Variants in DNAH11 observed in about 807,000 individuals in gnomAD.
DNAH11 encodes dynein axonemal heavy chain 11.
In DNAH11, 442 loss-of-function variants were observed where a neutral mutation model predicts 526.0. The observed-to-expected ratio is 0.84, with a 90% CI of 0.78 to 0.91. DNAH11 has a LOEUF of 0.91. Ranked by LOEUF, DNAH11 falls within the 40% of genes least tolerant of loss-of-function variation. The probability of loss-of-function intolerance (pLI) is 0.00; values close to 1 mark genes in which losing one functional copy is unlikely to be tolerated. For synonymous variants in DNAH11, 2,461 were observed against 1,935.9 expected, an observed-to-expected ratio of 1.27 and a Z score of -7.12; for missense variants, 6,989 against 5,448.7, an observed-to-expected ratio of 1.28 and a Z score of -8.90.
chr7:21,552,850 C>G (rs1355860812), intron 2 of DNAH11, among the ~76,000 whole-genome samples: 1 of 152,098 alleles, frequency 6.6e-6, no homozygotes, highest in African/African-American at 2.4e-5. Flanking sequence ...CATAGGGTAT[C>G]TTACTGAGGA....
At chr7:21,827,056 A>G (rs546799922) in intron 65 of DNAH11, among the ~76,000 whole-genome samples, 61 of 152,326 alleles carry the variant, frequency 4.0e-4, no homozygotes, top group Admixed American at 1.7e-3. Context: ...CTGTGGACCA[A>G]TACATCAGCC....
intron 57 of DNAH11, among the ~76,000 whole-genome samples, chr7:21,779,521 A>G (rs980222518): frequency 1.3e-5 from 2 of 152,180 alleles, no homozygotes; most frequent in South Asian, 2.1e-4. Context: ...TTGCATTTTA[A>G]TAATACAACT....
rs1786842841 is a variant in DNAH11, at chr7:21,635,933, C to G, written c.4563C>G (p.Ser1521Arg). ...YVEYFIEQVL[S>R]WQNKLNIADL... Reference sequence around the variant, plus strand: ...AATATTTCATTGAGCAAGTGTTAAGCTGGCAAAATAAATTAAACATAGCAG... The same window carrying G: ...AATATTTCATTGAGCAAGTGTTAAGGTGGCAAAATAAATTAAACATAGCAG... Residue 1521 changes from serine (S) to arginine (R), a missense_variant, in exon 26 of 82, where the codon AGC becomes AGG. By Grantham distance (110) the Ser-to-Arg change is moderately radical (BLOSUM62 -1). Transcript: ENST00000409508. The G allele has an allele frequency of 1.9e-6, 3 of 1,613,324 alleles. No individual in the cohort carries two copies. The highest frequency in any genetic ancestry group is 2.5e-6 in the Non-Finnish European group (3 of 1,179,582).
At chr7:21,744,673 G>A (rs1786064460) in intron 50 of DNAH11, 74 bp downstream of exon 50, 1 of 1,570,006 alleles carries the variant, frequency 6.4e-7, no homozygotes, top group Non-Finnish European at 8.6e-7. Flanking sequence ...TTAGATGAGG[G>A]TATGAGAGAA....
chr7:21,579,991 C>G (rs1423842455), intron 8 of DNAH11, among the ~76,000 whole-genome samples: 2 of 152,226 alleles, frequency 1.3e-5, no homozygotes, highest in East Asian at 3.9e-4. Context: ...GCCCAAGTTT[C>G]TATTAGGGTG....
chr7:21,556,160 T>C lies in DNAH11; in HGVS notation c.496-2642T>C, dbSNP rs112197670. ...AAGGTTATACCCTGGTCCCTTTCTC[T>C]GCTTAAGTTTCGATTTTCCAACAGT... is the stretch of plus-strand genomic sequence containing the variant. On this transcript the variant is annotated intron_variant, in intron 2 of 81. Transcript: ENST00000409508. 3.2e-3 allele frequency among the ~76,000 whole-genome samples: 489 copies of C among 152,306 alleles called. 4 individuals carry two copies. Among genetic ancestry groups the C allele is most frequent in the African/African-American group, 0.011 (470 of 41,570 alleles).
chr7:21,668,570 T>A (rs953687737), intron 30 of DNAH11, among the ~76,000 whole-genome samples: 9 of 152,206 alleles, frequency 5.9e-5, no homozygotes, highest in African/African-American at 1.7e-4. Context: ...CCAGCATCCA[T>A]GACTTGTTAG....
At chr7:21,740,255 C>T (rs1785819826) in intron 48 of DNAH11, among the ~76,000 whole-genome samples, 1 of 152,076 alleles carries the variant, frequency 6.6e-6, no homozygotes. Context: ...ACCACATTAA[C>T]CATTTCAAGT....
At position 21,678,243 on chromosome 7, in the gene DNAH11, T is replaced by G. The variant is rs115056961; in HGVS notation, c.5329-3303T>G. On this transcript the variant is annotated intron_variant, in intron 30 of 81. Coordinates refer to ENST00000409508, the MANE Select transcript of DNAH11 (RefSeq NM_001277115.2). ...GTCTTTGATTCATTTTGAGTTTTTT[T>G]TGTGTGTGTATAGTGTAAGGGTCCA... Among the ~76,000 whole-genome samples the G allele has an allele frequency of 4.9e-3, 743 of 152,204 alleles. 6 individuals are homozygous for G. The highest frequency in any genetic ancestry group is 0.016 in the African/African-American group (681 of 41,546).
chr7:21,891,348 C>G (rs1464687810), intron 76 of DNAH11, among the ~76,000 whole-genome samples: 3 of 152,110 alleles, frequency 2.0e-5, no homozygotes, highest in Non-Finnish European at 2.9e-5. Context: ...AAATAACATT[C>G]CTCTGTACAT....
At chr7:21,820,712 T>C (rs1790015534) in intron 65 of DNAH11, among the ~76,000 whole-genome samples, 1 of 152,132 alleles carries the variant, frequency 6.6e-6, no homozygotes, top group Non-Finnish European at 1.5e-5. Context: ...TGTTGATAAT[T>C]TCCAACCCCT....
chr7:21,684,030 A>AAACGATG (rs1377178733), intron 32 of DNAH11, 86 bp downstream of exon 32: 1 of 1,377,948 alleles, frequency 7.3e-7, no homozygotes, highest in Non-Finnish European at 1.0e-6. Flanking sequence ...GAATGAGAGG[A>AAACGATG]AACGATGAAC....
intron 61 of DNAH11, among the ~76,000 whole-genome samples, chr7:21,790,035 C>G (rs969450119): frequency 6.6e-6 from 1 of 151,214 alleles, no homozygotes; most frequent in African/African-American, 2.4e-5. Context: ...TTAAGCCTGT[C>G]ATTCATTAGC....
chr7:21,728,886 C>G (rs1785255374), intron 45 of DNAH11, among the ~76,000 whole-genome samples: 1 of 152,250 alleles, frequency 6.6e-6, no homozygotes. Context: ...AAATAATCTT[C>G]TTTGGCTCAA....
intron 66 of DNAH11, among the ~76,000 whole-genome samples, chr7:21,848,893 C>G (rs375127725): frequency 6.6e-6 from 1 of 151,710 alleles, no homozygotes; most frequent in Non-Finnish European, 1.5e-5. Context: ...TTTCTTTTTT[C>G]TTTTTTTCTG....
chr7:21,765,701 TC>T, intron 55 of DNAH11, 112 bp downstream of exon 55: 1 of 1,308,482 alleles, frequency 7.6e-7, no homozygotes, highest in African/African-American at 1.5e-5. Context: ...ACAGTACATC[TC>T]CTATCAGAAA....
chr7:21,585,851 C>G (rs952686974), intron 9 of DNAH11, among the ~76,000 whole-genome samples: 8 of 152,126 alleles, frequency 5.3e-5, no homozygotes, highest in Non-Finnish European at 1.2e-4. Flanking sequence ...TAAGGCAAAC[C>G]TTGCAGATCT....
intron 28 of DNAH11, among the ~76,000 whole-genome samples, chr7:21,644,130 C>G (rs1787245997): frequency 6.6e-6 from 1 of 152,188 alleles, no homozygotes; most frequent in Non-Finnish European, 1.5e-5. Flanking sequence ...AGATGGCACT[C>G]AACTGATACC....
chr7:21,743,841 G>C (rs1278158581), intron 49 of DNAH11, among the ~76,000 whole-genome samples: 1 of 152,126 alleles, frequency 6.6e-6, no homozygotes, highest in Non-Finnish European at 1.5e-5. Context: ...GCCTTTTGCA[G>C]CTCAGTTCTC....
Sources: allele counts gnomAD v4.1 joint callset (sites outside exome capture counted in the v4.1 genomes callset), GRCh38; gene constraint gnomAD v4.1.1; transcripts MANE v1.5; gene names NCBI Gene and HGNC (gene_info 2026-07-23, HGNC 2026-07-21).